DPP10: variants seen among roughly 807,000 people sequenced by gnomAD.
DPP10 encodes the protein dipeptidyl peptidase like 10, also known as inactive dipeptidyl peptidase 10.
Under a neutral mutation model 120.9 loss-of-function variants are expected in DPP10, and 33 were observed. That is an observed-to-expected ratio of 0.27 (90% CI 0.21 to 0.37). The LOEUF is 0.37. Ranked by LOEUF, DPP10 falls within the 10% of genes least tolerant of loss-of-function variation. The probability of loss-of-function intolerance (pLI) is 1.00; values close to 1 mark genes in which losing one functional copy is unlikely to be tolerated. For missense variants in DPP10, 816 were observed against 942.8 expected, an observed-to-expected ratio of 0.87 and a Z score of 1.76; for synonymous variants, 337 against 326.1, an observed-to-expected ratio of 1.03 and a Z score of -0.36.
At chr2:115,013,658 CA>C (rs59313783) in intron 1 of DPP10, among the ~76,000 whole-genome samples, 1,835 of 58,484 alleles carry the variant, frequency 0.031, 21 homozygotes, top group African/African-American at 0.088. Flanking sequence ...AAATGGAAAG[CA>C]AAAAAAAAAA....
At chr2:114,769,099 T>A (rs1049027647) in intron 1 of DPP10, among the ~76,000 whole-genome samples, 1 of 152,116 alleles carries the variant, frequency 6.6e-6, no homozygotes, top group African/African-American at 2.4e-5. Context: ...ACAGCATAAA[T>A]CTAGAGGACG....
chr2:115,822,980 C>T (rs1008120329), intron 21 of DPP10, among the ~76,000 whole-genome samples: 1 of 151,946 alleles, frequency 6.6e-6, no homozygotes, highest in African/African-American at 2.4e-5. Context: ...AAATGTTTAG[C>T]TATATTTTAA....
chr2:115,158,585 A>C (rs973679955), intron 1 of DPP10, among the ~76,000 whole-genome samples: 1 of 152,196 alleles, frequency 6.6e-6, no homozygotes, highest in African/African-American at 2.4e-5. Context: ...TGTGTTGTAA[A>C]GTTTAGATAT....
intron 1 of DPP10, among the ~76,000 whole-genome samples, chr2:114,757,551 A>G (rs1679894757): frequency 1.3e-5 from 2 of 152,198 alleles, no homozygotes; most frequent in Admixed American, 1.3e-4. Context: ...CAAAAAGGAA[A>G]GATAGAAGTG....
At chr2:114,977,540 A>C (rs62167709) in intron 1 of DPP10, among the ~76,000 whole-genome samples, 66,564 of 151,904 alleles carry the variant, frequency 0.44, 14,813 homozygotes, top group Middle Eastern at 0.52. Flanking sequence ...CTTCTTCGAA[A>C]CTGAATGTTT....
chr2:114,961,729 G>A (rs1426265325), intron 1 of DPP10, among the ~76,000 whole-genome samples: 12 of 151,962 alleles, frequency 7.9e-5, no homozygotes, highest in African/African-American at 1.7e-4. Flanking sequence ...CGAGGTGGGC[G>A]GATCACCTGA....
At chr2:114,871,402 C>T (rs1342796496) in intron 1 of DPP10, among the ~76,000 whole-genome samples, 1 of 152,112 alleles carries the variant, frequency 6.6e-6, no homozygotes, top group Non-Finnish European at 1.5e-5. Flanking sequence ...GGTTGGTGCA[C>T]AAGTAATTGC....
At chr2:115,246,980 C>T (rs2058564432) in intron 1 of DPP10, among the ~76,000 whole-genome samples, 1 of 152,030 alleles carries the variant, frequency 6.6e-6, no homozygotes, top group African/African-American at 2.4e-5. Flanking sequence ...CTACTATCAC[C>T]AAAGACCTAC....
intron 1 of DPP10, among the ~76,000 whole-genome samples, chr2:114,499,091 C>T (rs1682930159): frequency 6.6e-6 from 1 of 152,168 alleles, no homozygotes; most frequent in African/African-American, 2.4e-5. Flanking sequence ...TTTTTGCTGC[C>T]ACAAACTGAC....
At chr2:115,395,475 A>G (rs2067617063) in intron 3 of DPP10, among the ~76,000 whole-genome samples, 1 of 152,200 alleles carries the variant, frequency 6.6e-6, no homozygotes, top group African/African-American at 2.4e-5. Flanking sequence ...CAAAGACGTC[A>G]ATGCTAAACA....
At chr2:115,808,574 T>C (rs937139840) in intron 19 of DPP10, among the ~76,000 whole-genome samples, 7 of 152,200 alleles carry the variant, frequency 4.6e-5, no homozygotes, top group Non-Finnish European at 8.8e-5. Flanking sequence ...GATGCTATTA[T>C]CACCCTCTAT....
At chr2:115,623,334 C>T (rs1201512302) in intron 5 of DPP10, among the ~76,000 whole-genome samples, 4 of 152,130 alleles carry the variant, frequency 2.6e-5, no homozygotes, top group Admixed American at 6.5e-5. Context: ...AAGTGATTGG[C>T]GTATGTCAGG....
chr2:115,803,832 A>T (rs1226983382), intron 19 of DPP10, among the ~76,000 whole-genome samples: 2 of 152,140 alleles, frequency 1.3e-5, no homozygotes, highest in African/African-American at 2.4e-5. Context: ...CTTTGTGGGT[A>T]ACCCGACCTT....
chr2:115,273,141 T>G (rs2059769227), intron 1 of DPP10, among the ~76,000 whole-genome samples: 1 of 152,206 alleles, frequency 6.6e-6, no homozygotes, highest in Non-Finnish European at 1.5e-5. Context: ...TAAATGTTTA[T>G]CTTTCCCCCT....
intron 1 of DPP10, among the ~76,000 whole-genome samples, chr2:115,038,403 TG>T (rs1704383311): frequency 6.6e-6 from 1 of 152,022 alleles, no homozygotes; most frequent in African/African-American, 2.4e-5. Flanking sequence ...CCAGAGTAGC[TG>T]GGACTACAGG....
chr2:114,618,892 G>T (rs752637184), intron 1 of DPP10, among the ~76,000 whole-genome samples: 3 of 151,908 alleles, frequency 2.0e-5, no homozygotes, highest in Non-Finnish European at 4.4e-5. Flanking sequence ...GCGGCTTTGC[G>T]TTGTAATTGT....
intron 1 of DPP10, among the ~76,000 whole-genome samples, chr2:114,809,749 GA>G (rs1232824197): frequency 2.0e-5 from 3 of 152,064 alleles, no homozygotes; most frequent in Non-Finnish European, 4.4e-5. Flanking sequence ...TACGGCTTGC[GA>G]AACCCACTCA....
chr2:115,372,064 T>C (rs921938864), intron 3 of DPP10, among the ~76,000 whole-genome samples: 1 of 152,152 alleles, frequency 6.6e-6, no homozygotes, highest in African/African-American at 2.4e-5. Flanking sequence ...AAAGTTTTCT[T>C]AAATATTCAT....
intron 2 of DPP10, among the ~76,000 whole-genome samples, chr2:115,327,842 T>C (rs1436347121): frequency 6.6e-6 from 1 of 152,062 alleles, no homozygotes; most frequent in Non-Finnish European, 1.5e-5. Context: ...TATTTTTAAA[T>C]TGAGGCTATA....
Sources: allele counts gnomAD v4.1 joint callset (sites outside exome capture counted in the v4.1 genomes callset), GRCh38; gene constraint gnomAD v4.1.1; transcripts MANE v1.5; gene names NCBI Gene and HGNC (gene_info 2026-07-23, HGNC 2026-07-21).